The following CEP162 variants were observed in gnomAD, a reference collection of about 807,000 sequenced individuals.
CEP162 encodes centrosomal protein of 162 kDa.
Under a neutral mutation model 169.2 loss-of-function variants are expected in CEP162, and 141 were observed. The ratio of observed to expected loss-of-function variants is 0.83; its 90% confidence interval spans 0.73 to 0.96. The LOEUF is 0.96. Ranked by LOEUF, CEP162 falls within the 40% of genes least tolerant of loss-of-function variation. The pLI, the probability that CEP162 is intolerant of heterozygous loss-of-function variation, is 0.00. For synonymous variants in CEP162, 540 were observed against 526.4 expected (o/e 1.03, Z -0.35); for missense variants, 1,600 against 1,587.2 (o/e 1.01, Z -0.14).
chr6:84,188,098 C>T lies in CEP162; in HGVS notation c.1110-1475G>A, dbSNP rs539101832. 4.6e-4 allele frequency among the ~76,000 whole-genome samples: 63 copies of T among 136,622 alleles called. No individual in the cohort carries two copies. The East Asian group carries it at 0.014, about 31-fold the overall frequency. 89.6% of individuals were successfully genotyped at this position (136,622 alleles called of 152,430 possible). A position where few individuals can be genotyped will look rare whatever the true frequency, so the allele number is the denominator to read the frequency against. ...AAGAGTGTCATCCAGAGTGAGACTC[C>T]GTCTCAAAAAAAAAAAAAAAAAGAG... On this transcript the variant is annotated intron_variant, in intron 11 of 26. Transcript: ENST00000403245.
At chr6:84,137,089 A>G (rs1440551298) in intron 25 of CEP162, among the ~76,000 whole-genome samples, 1 of 152,216 alleles carries the variant, frequency 6.6e-6, no homozygotes, top group Non-Finnish European at 1.5e-5. Context: ...TAGCAAGGGA[A>G]TAAGAGTCAT....
intron 25 of CEP162, among the ~76,000 whole-genome samples, chr6:84,139,241 T>C (rs900717239): frequency 6.6e-6 from 1 of 152,112 alleles, no homozygotes; most frequent in African/African-American, 2.4e-5. Context: ...ACTCCATGAG[T>C]TTCCTACCAT....
At chr6:84,184,459 C>T (rs1425596010) in intron 13 of CEP162, among the ~76,000 whole-genome samples, 2 of 152,108 alleles carry the variant, frequency 1.3e-5, no homozygotes, top group African/African-American at 4.8e-5. Context: ...ACTGCTTGTC[C>T]ACTTTATTGA....
At chr6:84,159,016 C>T (rs550866348) in intron 21 of CEP162, among the ~76,000 whole-genome samples, 2 of 151,194 alleles carry the variant, frequency 1.3e-5, no homozygotes, top group African/African-American at 4.8e-5. Flanking sequence ...CAATATGCAT[C>T]TAATTAGCCC....
At chr6:84,171,755 T>A in intron 16 of CEP162, 37 bp from the exon 17 acceptor site, 1 of 865,120 alleles carries the variant, frequency 1.2e-6, no homozygotes, top group Non-Finnish European at 1.7e-6. Context: ...TAGTTAAAAG[T>A]CATTAGTACT....
chr6:84,143,561 CTG>C (rs1242431272), intron 25 of CEP162, among the ~76,000 whole-genome samples: 9 of 151,754 alleles, frequency 5.9e-5, no homozygotes, highest in Non-Finnish European at 1.2e-4. Flanking sequence ...GAATGACAGA[CTG>C]TTTTATAATG....
chr6:84,162,335 AC>A (rs2129209965), intron 19 of CEP162, among the ~76,000 whole-genome samples: 1 of 152,334 alleles, frequency 6.6e-6, no homozygotes, highest in East Asian at 1.9e-4. Context: ...ATTTACTACA[AC>A]AAACTTTTAC....
At chr6:84,150,927 T>A (rs777375276) in intron 23 of CEP162, among the ~76,000 whole-genome samples, 1 of 152,170 alleles carries the variant, frequency 6.6e-6, no homozygotes, top group Non-Finnish European at 1.5e-5. Context: ...AAAAGCAGCA[T>A]AATCTTACAC....
chr6:84,154,955 G>C lies in CEP162; in HGVS notation c.2994+343C>G, dbSNP rs1173747272. On this transcript the variant is annotated intron_variant, in intron 22 of 26. Transcript: ENST00000403245. Reference sequence around the variant, plus strand: ...TACCCTTCTCTAGATAAATTTCAGTGAAAATATTTTCAAACATGGTAATTT... The same window carrying C: ...TACCCTTCTCTAGATAAATTTCAGTCAAAATATTTTCAAACATGGTAATTT... Among the ~76,000 whole-genome samples, 5 of 152,044 alleles carry C rather than the reference G, an allele frequency of 3.3e-5. No individual in the cohort carries two copies. In the East Asian group the frequency reaches 9.6e-4, roughly 29 times the overall value.
rs185392838 is a variant in CEP162 at position 84,199,150 on chromosome 6, C to T, written c.835+1639G>A. Among the ~76,000 whole-genome samples the T allele has an allele frequency of 1.5e-3, 235 of 152,006 alleles. 4 individuals carry two copies. Among genetic ancestry groups the T allele is most frequent in the Admixed American group, 0.01 (154 of 15,268 alleles). On this transcript the variant is annotated intron_variant, in intron 9 of 26. Transcript: ENST00000403245. ...TCATGTCTGCCTACTGAAAACTGTG[C>T]GAGGGGATAGACTATCAAAGCACGT...
chr6:84,208,126 A>G (rs2099548027), intron 6 of CEP162, among the ~76,000 whole-genome samples: 1 of 151,748 alleles, frequency 6.6e-6, no homozygotes, highest in Admixed American at 6.6e-5. Context: ...GCCTTATACA[A>G]CCTTTGCTGT....
At chr6:84,146,451 T>G (rs1347804464) in intron 25 of CEP162, among the ~76,000 whole-genome samples, 1 of 151,938 alleles carries the variant, frequency 6.6e-6, no homozygotes, top group Non-Finnish European at 1.5e-5. Flanking sequence ...CGTCCCATTT[T>G]CCCCACTACC....
chr6:84,144,780 T>C (rs1425023558), intron 25 of CEP162, among the ~76,000 whole-genome samples: 1 of 152,170 alleles, frequency 6.6e-6, no homozygotes, highest in Non-Finnish European at 1.5e-5. Context: ...CACTGCTGAT[T>C]CTTTAATATT....
At chr6:84,141,556 T>C (rs1241781405) in intron 25 of CEP162, among the ~76,000 whole-genome samples, 1 of 152,142 alleles carries the variant, frequency 6.6e-6, no homozygotes, top group Non-Finnish European at 1.5e-5. Flanking sequence ...TCTGAACAAA[T>C]TCCTTTAATC....
intron 6 of CEP162, among the ~76,000 whole-genome samples, chr6:84,209,139 A>C (rs1009848258): frequency 5.3e-5 from 8 of 152,178 alleles, no homozygotes; most frequent in Admixed American, 3.3e-4. Context: ...AGAAGGCCTA[A>C]ATTCAATTCC....
intron 9 of CEP162, among the ~76,000 whole-genome samples, chr6:84,198,273 T>TTTTA (rs905947045): frequency 5.3e-5 from 8 of 152,022 alleles, no homozygotes; most frequent in Non-Finnish European, 1.2e-4. Context: ...TTTTATTTTA[T>TTTTA]TTTATTTATT....
At chr6:84,225,636 T>C (rs116264342) in intron 2 of CEP162, among the ~76,000 whole-genome samples, 3,216 of 151,808 alleles carry the variant, frequency 0.021, 124 homozygotes, top group African/African-American at 0.074. Context: ...GCAATGAACG[T>C]AGAGTCATCA....
intron 11 of CEP162, among the ~76,000 whole-genome samples, chr6:84,190,752 G>A (rs1461884482): frequency 1.3e-5 from 2 of 152,214 alleles, no homozygotes; most frequent in African/African-American, 4.8e-5. Flanking sequence ...AACACTCACC[G>A]CGAGCGTCCG....
At chr6:84,175,783 T>C (rs576526023) in intron 13 of CEP162, among the ~76,000 whole-genome samples, 68 of 152,304 alleles carry the variant, frequency 4.5e-4, no homozygotes, top group African/African-American at 1.6e-3. Flanking sequence ...TCAGAGCACA[T>C]TTTTTATAAA....
Sources: allele counts gnomAD v4.1 joint callset (sites outside exome capture counted in the v4.1 genomes callset), GRCh38; gene constraint gnomAD v4.1.1; transcripts MANE v1.5; gene names NCBI Gene and HGNC (gene_info 2026-07-23, HGNC 2026-07-21).